UNC5B: variants seen among roughly 807,000 people sequenced by gnomAD.
The protein encoded by UNC5B is netrin receptor UNC5B.
UNC5B carries 56 observed loss-of-function variants against 103.7 expected under a neutral mutation model. That is an observed-to-expected ratio of 0.54 (90% confidence interval 0.44 to 0.67). The LOEUF is 0.67. UNC5B is among the 30% of genes least tolerant of loss of function. The pLI is 0.00. For synonymous variants in UNC5B, 577 were observed against 542.0 expected (o/e 1.06, Z -0.90); for missense variants, 1,194 against 1,284.5 (o/e 0.93, Z 1.08).
At chr10:71,287,984 T>C (rs952190848) in intron 6 of UNC5B, among the ~76,000 whole-genome samples, 21 of 152,330 alleles carry the variant, frequency 1.4e-4, no homozygotes, top group Admixed American at 1.2e-3. Context: ...CTTTGAGGGT[T>C]AGCCCCTTCT....
intron 1 of UNC5B, among the ~76,000 whole-genome samples, chr10:71,273,135 C>T (rs1844686326): frequency 6.6e-6 from 1 of 152,264 alleles, no homozygotes; most frequent in South Asian, 2.1e-4. Flanking sequence ...GTGATCCGCC[C>T]GCCTTGGACT....
At chr10:71,290,073 C>T (rs903500716) in intron 8 of UNC5B, among the ~76,000 whole-genome samples, 9 of 152,180 alleles carry the variant, frequency 5.9e-5, no homozygotes, top group Non-Finnish European at 1.2e-4. Flanking sequence ...GTGTGAAAGC[C>T]GTTCAAACTT....
intron 1 of UNC5B, among the ~76,000 whole-genome samples, chr10:71,260,783 C>A (rs1295560976): frequency 6.6e-6 from 1 of 152,252 alleles, no homozygotes; most frequent in African/African-American, 2.4e-5. Context: ...GACTGAGTCA[C>A]TGCAGGCCAA....
intron 1 of UNC5B, among the ~76,000 whole-genome samples, chr10:71,236,614 C>T (rs1326874340): frequency 6.6e-6 from 1 of 152,216 alleles, no homozygotes; most frequent in Non-Finnish European, 1.5e-5. Context: ...TCCCGCCCCA[C>T]ACTGACCGGC....
intron 1 of UNC5B, among the ~76,000 whole-genome samples, chr10:71,233,938 C>G (rs1843727797): frequency 1.3e-5 from 2 of 152,246 alleles, no homozygotes; most frequent in South Asian, 4.1e-4. Flanking sequence ...ACAAAGGAAC[C>G]TGGTCCCAGG....
At chr10:71,214,908 G>A (rs538441779) in intron 1 of UNC5B, among the ~76,000 whole-genome samples, 21 of 152,274 alleles carry the variant, frequency 1.4e-4, no homozygotes, top group East Asian at 1.2e-3. Context: ...TCTAATACCC[G>A]GCTTTGATTT....
intron 1 of UNC5B, among the ~76,000 whole-genome samples, chr10:71,277,424 A>C (rs1212526713): frequency 6.6e-6 from 1 of 152,214 alleles, no homozygotes; most frequent in Non-Finnish European, 1.5e-5. Flanking sequence ...GCTGAGACGG[A>C]GACAAGATGC....
chr10:71,244,074 A>T (rs538152539), intron 1 of UNC5B, among the ~76,000 whole-genome samples: 1 of 152,214 alleles, frequency 6.6e-6, no homozygotes, highest in African/African-American at 2.4e-5. Flanking sequence ...TTATTTAGCC[A>T]TCACCTATTC....
chr10:71,289,688 G>T (rs1405073425), intron 8 of UNC5B, among the ~76,000 whole-genome samples: 1 of 152,264 alleles, frequency 6.6e-6, no homozygotes, highest in East Asian at 1.9e-4. Flanking sequence ...CACCAGGCAA[G>T]TGGCCCCAGT....
At chr10:71,272,422 C>T (rs1844668428) in intron 1 of UNC5B, among the ~76,000 whole-genome samples, 1 of 152,120 alleles carries the variant, frequency 6.6e-6, no homozygotes, top group Non-Finnish European at 1.5e-5. Context: ...GGTTTCAAGG[C>T]CTTCCCTACC....
chr10:71,292,174 C>T (rs1845282503), intron 10 of UNC5B, among the ~76,000 whole-genome samples: 1 of 152,166 alleles, frequency 6.6e-6, no homozygotes, highest in Admixed American at 6.5e-5. Context: ...TTTGCAAAGC[C>T]AGCAATTAAC....
Position 71,213,158 on chromosome 10 carries a change from G to T in UNC5B, c.79+94G>T. ...AGGTGGTCTTTCGTCGCATCGATGC[G>T]CGCAGGAAAAGCGGCAAGGGCGCCC... On this transcript the variant is annotated intron_variant, in intron 1 of 16. Coordinates refer to ENST00000335350, the MANE Select transcript of UNC5B (RefSeq NM_170744.5). This position sits in a 1 kb window ranked among gnomAD's most constrained non-coding sequence, Gnocchi z 4.1. 1.9e-6 allele frequency: 2 copies of T among 1,076,670 alleles called. No homozygotes were observed. Among genetic ancestry groups the T allele is most frequent in the Non-Finnish European group, 2.4e-6 (2 of 842,882 alleles). 66.7% of individuals were successfully genotyped at this position (1,076,670 alleles called of 1,614,324 possible). A position where few individuals can be genotyped will look rare whatever the true frequency, so the allele number is the denominator to read the frequency against.
At position 71,293,807 on chromosome 10, in the gene UNC5B, G is replaced by A. The variant is rs138148680; in HGVS notation, c.2049G>A (p.Thr683=). 70 of 1,609,340 alleles carry A rather than the reference G, an allele frequency of 4.3e-5. No individual in the cohort carries two copies. Among genetic ancestry groups the A allele is most frequent in the African/African-American group, 4.0e-4 (30 of 74,836 alleles). ...LLDQLGTYVF[T]GESYSRSAVK... ...ACCAGCTGGGCACCTACGTGTTCAC[G>A]GGCGAGTCCTATTCCCGCTCAGCAG... The change falls in exon 13 of 17, where the codon ACG becomes ACA. Residue 683 remains threonine (T), a synonymous_variant. Coordinates refer to ENST00000335350, the MANE Select transcript of UNC5B (RefSeq NM_170744.5).
At chr10:71,227,669 CAT>C (rs1210326790) in intron 1 of UNC5B, among the ~76,000 whole-genome samples, 2 of 138,512 alleles carry the variant, frequency 1.4e-5, no homozygotes, top group Non-Finnish European at 3.0e-5. Context: ...TATATATACA[CAT>C]ATATACATAT....
At position 71,279,900 on chromosome 10, in the gene UNC5B, G is replaced by A. The variant is rs750586503; in HGVS notation, c.159G>A (p.Glu53=). The A allele has an allele frequency of 3.0e-5, 48 of 1,613,856 alleles. No individual in the cohort carries two copies. The highest frequency in any genetic ancestry group is 4.1e-5 in the Non-Finnish European group (48 of 1,180,012). The change falls in exon 2 of 17, where the codon GAG becomes GAA. Residue 53 remains glutamate, a synonymous_variant. Transcript: ENST00000335350. ...PAEPLPYFLQ[E]PQDAYIVKNK... ...AGCCGCTGCCCTACTTCCTGCAGGA[G>A]CCACAGGACGCCTACATTGTGAAGA... is the stretch of plus-strand genomic sequence containing the variant.
At chr10:71,222,038 C>T (rs903482800) in intron 1 of UNC5B, among the ~76,000 whole-genome samples, 2 of 152,104 alleles carry the variant, frequency 1.3e-5, no homozygotes, top group South Asian at 2.1e-4. Context: ...CCATGTATTG[C>T]GTGGAACGAA....
intron 1 of UNC5B, among the ~76,000 whole-genome samples, chr10:71,272,685 C>A (rs1035369504): frequency 6.6e-6 from 1 of 152,172 alleles, no homozygotes; most frequent in African/African-American, 2.4e-5. Context: ...TAGTCACTTC[C>A]CCTCTCTGAT....
chr10:71,294,014 T>G, intron 13 of UNC5B, 81 bp downstream of exon 13: 1 of 1,332,106 alleles, frequency 7.5e-7, no homozygotes, highest in Non-Finnish European at 1.0e-6. Flanking sequence ...CCCAGGCTCA[T>G]GGGTCCTCCC....
chr10:71,271,881 C>T (rs1300859555), intron 1 of UNC5B, among the ~76,000 whole-genome samples: 1 of 152,114 alleles, frequency 6.6e-6, no homozygotes. Flanking sequence ...AAGAGGGCTG[C>T]GTGAGGAGCC....
Sources: allele counts gnomAD v4.1 joint callset (sites outside exome capture counted in the v4.1 genomes callset), GRCh38; gene constraint gnomAD v4.1.1; non-coding constraint Gnocchi (gnomAD v3.1); transcripts MANE v1.5; gene names NCBI Gene and HGNC (gene_info 2026-07-23, HGNC 2026-07-21).